The following ARHGAP15 variants were observed in gnomAD, a reference collection of about 807,000 sequenced individuals.
ARHGAP15 encodes Rho GTPase activating protein 15, also known as rho GTPase-activating protein 15.
Under a neutral mutation model 63.7 loss-of-function variants are expected in ARHGAP15, and 51 were observed. The observed-to-expected ratio is 0.80, with a 90% CI of 0.64 to 1.01. The LOEUF (loss-of-function observed/expected upper bound fraction) is 1.01. ARHGAP15 is among the 50% of genes least tolerant of loss of function. The pLI is 0.00. For synonymous variants in ARHGAP15, 191 were observed against 193.8 expected, an observed-to-expected ratio of 0.99 and a Z score of 0.12; for missense variants, 560 against 564.6, an observed-to-expected ratio of 0.99 and a Z score of 0.08.
At chr2:143,236,743 G>A (rs1044128236) in intron 5 of ARHGAP15, 12 of 152,184 alleles carry the variant, frequency 7.9e-5, no homozygotes, top group African/African-American at 2.9e-4. Flanking sequence ...TAATAAGAGA[G>A]TAATTAATAG....
chr2:143,637,250 G>T (rs901466074), intron 12 of ARHGAP15, among the ~76,000 whole-genome samples: 2 of 152,126 alleles, frequency 1.3e-5, no homozygotes, highest in African/African-American at 4.8e-5. Flanking sequence ...GCAGAATAAA[G>T]CTTCCTCCTA....
chr2:143,458,834 A>G (rs1322274532), intron 8 of ARHGAP15, among the ~76,000 whole-genome samples: 3 of 152,216 alleles, frequency 2.0e-5, no homozygotes, highest in Non-Finnish European at 2.9e-5. Context: ...TATTTGCAAT[A>G]CTTGGATTGT....
intron 2 of ARHGAP15, among the ~76,000 whole-genome samples, chr2:143,159,685 A>G (rs570181528): frequency 6.6e-6 from 1 of 151,944 alleles, no homozygotes; most frequent in East Asian, 1.9e-4. Context: ...TGTAACAGTA[A>G]CACTTTGCAT....
At chr2:143,250,675 C>A in intron 6 of ARHGAP15, 75 bp downstream of exon 6, 1 of 1,233,892 alleles carries the variant, frequency 8.1e-7, no homozygotes, top group African/African-American at 1.5e-5. Context: ...TAAAATAAGA[C>A]TACCTTCTTG....
chr2:143,578,613 GTGGTATCCC>G (rs1363777990), intron 11 of ARHGAP15, among the ~76,000 whole-genome samples: 1 of 152,116 alleles, frequency 6.6e-6, no homozygotes, highest in African/African-American at 2.4e-5. Flanking sequence ...GTCATTTTTA[GTGGTATCCC>G]TGTGCAGAAG....
At position 143,168,758 on chromosome 2, in the gene ARHGAP15, A is replaced by G. The variant is rs1014684157; in HGVS notation, c.165+13103A>G. Among the ~76,000 whole-genome samples the G allele has an allele frequency of 3.3e-5, 5 of 152,032 alleles. No individual in the cohort carries two copies. The East Asian group carries it at 9.7e-4, about 29-fold the overall frequency. On this transcript the variant is annotated intron_variant, in intron 2 of 13. Coordinates refer to ENST00000295095, the MANE Select transcript of ARHGAP15 (RefSeq NM_018460.4). ...ACAATATTATACAAAATTTAAATCA[A>G]CTTCGATTTAACTAGTCATCTAATT...
intron 6 of ARHGAP15, among the ~76,000 whole-genome samples, chr2:143,397,984 C>CAA (rs1558944486): frequency 2.6e-5 from 4 of 151,874 alleles, no homozygotes; most frequent in African/African-American, 7.3e-5. Flanking sequence ...TAACTCCTCT[C>CAA]TGCCTTGAAA....
chr2:143,725,577 T>C (rs545031606), intron 13 of ARHGAP15, among the ~76,000 whole-genome samples: 5 of 152,256 alleles, frequency 3.3e-5, no homozygotes, highest in Non-Finnish European at 7.3e-5. Flanking sequence ...TTTTTTCTTA[T>C]CACAACCCCT....
chr2:143,421,786 A>G (rs376738531), intron 6 of ARHGAP15, among the ~76,000 whole-genome samples: 1 of 19,358 alleles, frequency 5.2e-5, no homozygotes, highest in Non-Finnish European at 1.5e-4. Flanking sequence ...ATATATATAT[A>G]TATATATATA....
chr2:143,463,439 G>A (rs529959356), intron 8 of ARHGAP15, among the ~76,000 whole-genome samples: 117 of 150,844 alleles, frequency 7.8e-4, no homozygotes, highest in African/African-American at 2.7e-3. Flanking sequence ...CTACTCAGGA[G>A]GCTGAAACAG....
At chr2:143,200,666 G>T (rs1692077510) in intron 2 of ARHGAP15, among the ~76,000 whole-genome samples, 2 of 151,806 alleles carry the variant, frequency 1.3e-5, no homozygotes, top group African/African-American at 2.4e-5. Flanking sequence ...AACAGTGTAA[G>T]ATTTTATTAT....
chr2:143,325,632 CTT>C (rs1684215031), intron 6 of ARHGAP15, among the ~76,000 whole-genome samples: 1 of 152,088 alleles, frequency 6.6e-6, no homozygotes, highest in African/African-American at 2.4e-5. Flanking sequence ...TGAATTAAAA[CTT>C]TTGGGAGCTT....
At position 143,437,031 on chromosome 2, in the gene ARHGAP15, G is replaced by T. The variant is rs1171768213; in HGVS notation, c.692G>T (p.Arg231Ile). ...SDIKEQKPEH[R>I]KSLMFRLHHS... ...ATAAAAGAACAGAAACCAGAGCACA[G>T]AAAATCTTTAAGTGAGTATTTTCTT... The change falls in exon 8 of 14, where the codon AGA (arginine) becomes ATA (isoleucine). Residue 231 changes from arginine to isoleucine, a missense_variant. Transcript: ENST00000295095. 1 of 1,600,304 alleles carries T rather than the reference G, an allele frequency of 6.2e-7. No individual in the cohort carries two copies. Among genetic ancestry groups the T allele is most frequent in the Non-Finnish European group, 8.5e-7 (1 of 1,176,482 alleles).
chr2:143,135,365 G>A (rs1347434552), intron 1 of ARHGAP15, among the ~76,000 whole-genome samples: 2 of 152,056 alleles, frequency 1.3e-5, no homozygotes, highest in Non-Finnish European at 2.9e-5. Context: ...ATCTTTTGCT[G>A]GTTATTAGTC....
At chr2:143,417,250 AT>A (rs1363866288) in intron 6 of ARHGAP15, among the ~76,000 whole-genome samples, 1 of 151,984 alleles carries the variant, frequency 6.6e-6, no homozygotes, top group Non-Finnish European at 1.5e-5. Flanking sequence ...TTCTAATTGC[AT>A]TTTGTAATTT....
At chr2:143,410,351 T>A (rs11897813) in intron 6 of ARHGAP15, among the ~76,000 whole-genome samples, 1 of 151,904 alleles carries the variant, frequency 6.6e-6, no homozygotes, top group South Asian at 2.1e-4. Flanking sequence ...TTGAGATGAA[T>A]GTAAAAAATG....
At chr2:143,596,688 T>C (rs1697530834) in intron 11 of ARHGAP15, among the ~76,000 whole-genome samples, 1 of 152,158 alleles carries the variant, frequency 6.6e-6, no homozygotes, top group African/African-American at 2.4e-5. Context: ...TCCTTACTTG[T>C]ATTTAAAACC....
intron 12 of ARHGAP15, among the ~76,000 whole-genome samples, chr2:143,630,002 T>C (rs1226197434): frequency 6.6e-6 from 1 of 152,180 alleles, no homozygotes; most frequent in Non-Finnish European, 1.5e-5. Flanking sequence ...GCAATAGCTA[T>C]TGCCAAGTAT....
intron 12 of ARHGAP15, among the ~76,000 whole-genome samples, chr2:143,674,728 C>T (rs773432531): frequency 6.6e-6 from 1 of 152,092 alleles, no homozygotes; most frequent in African/African-American, 2.4e-5. Context: ...TATGCAATAG[C>T]GTTATGTTTA....
Sources: gnomAD v4.1 joint callset for allele counts (sites outside exome capture counted in the v4.1 genomes callset) on GRCh38, gnomAD v4.1.1 for gene constraint, MANE v1.5 for transcripts, NCBI Gene and HGNC (gene_info 2026-07-23, HGNC 2026-07-21) for gene names.